LARP6: variants seen among roughly 807,000 people sequenced by gnomAD.
The protein encoded by LARP6 is la-related protein 6.
LARP6 carries 18 observed loss-of-function variants against 32.8 expected under a neutral mutation model. That is an observed-to-expected ratio of 0.55 (90% CI 0.38 to 0.81). The LOEUF is 0.81. LARP6 is among the 40% of genes least tolerant of loss of function. LARP6 has a pLI of 0.00. For synonymous variants in LARP6, 289 were observed against 267.2 expected (o/e 1.08, Z -0.80); for missense variants, 598 against 663.1 (o/e 0.90, Z 1.08).
chr15:70,846,615 T>A (rs1434061014), intron 1 of LARP6, among the ~76,000 whole-genome samples: 1 of 151,106 alleles, frequency 6.6e-6, no homozygotes, highest in South Asian at 2.1e-4. Context: ...TCTCAAAAAA[T>A]AAATAAATAC....
Position 70,832,358 on chromosome 15 carries a change from T to C in LARP6, c.1170A>G (p.Lys390=). The change falls in exon 3 of 3, where the codon AAA becomes AAG. Residue 390 remains lysine, a synonymous_variant. Coordinates refer to ENST00000299213, the MANE Select transcript of LARP6 (RefSeq NM_018357.4). ...CCAGTGGGGACTTTCTGGAAACGCC[T>C]TTGCGTTGGGCCAAGGGGCTGCTCC... is the stretch of plus-strand genomic sequence containing the variant. The part of the protein sequence containing the change: ...SPWSSPLAQR[K]GVSRKSPLAE... The C allele has an allele frequency of 2.5e-6, 4 of 1,614,048 alleles. No individual in the cohort carries two copies. Among genetic ancestry groups the C allele is most frequent in the Non-Finnish European group, 3.4e-6 (4 of 1,179,944 alleles).
chr15:70,853,959 C>G lies in LARP6; in HGVS notation c.130G>C (p.Gly44Arg). 2 of 1,454,150 alleles carry G rather than the reference C, an allele frequency of 1.4e-6. No homozygotes were observed. The highest frequency in any genetic ancestry group is 3.1e-5 in the East Asian group (1 of 32,568). The allele number at this position is 1,454,150 out of a possible 1,614,324, so 90.1% of individuals were successfully genotyped here. A position where few individuals can be genotyped will look rare whatever the true frequency, so the allele number is the denominator to read the frequency against. The change falls in exon 1 of 3, where the codon GGG (glycine) becomes CGG (arginine). Residue 44 changes from glycine to arginine, a missense_variant. This residue lies in a region of LARP6 where 161 missense variants were observed against 148.6 expected (regional missense o/e 1.08). Coordinates refer to ENST00000299213, the MANE Select transcript of LARP6 (RefSeq NM_018357.4). ...EEEGAETRGA[G>R]DPARYLSPGW... The stretch of plus-strand genomic sequence containing the variant: ...GGGCTGAGGTACCGGGCCGGGTCCC[C>G]GGCGCCCCGAGTCTCCGCCCCCTCC...
intron 1 of LARP6, among the ~76,000 whole-genome samples, chr15:70,839,241 C>T (rs975239439): frequency 5.3e-5 from 8 of 152,018 alleles, no homozygotes; most frequent in Non-Finnish European, 8.8e-5. Flanking sequence ...AAGATCGAGA[C>T]CAGCCTGGCC....
rs1595950906 is a variant in LARP6 at position 70,836,486 on chromosome 15, C to T, written c.220G>A (p.Gly74Ser). ...RGHSGTTASG[G>S]ENEREDLEQE... ...TCCAGGTCCTCACGCTCGTTCTCAC[C>T]TCCACTTGCAGTGGTGCCACTGAGA... The change falls in exon 2 of 3, where the codon GGT (glycine) becomes AGT (serine). Residue 74 changes from glycine (G) to serine (S), a missense_variant. By Grantham distance (56) the Gly-to-Ser change is moderately conservative. This residue lies in a region of LARP6 where 161 missense variants were observed against 148.6 expected (regional missense o/e 1.08). Coordinates refer to ENST00000299213, the MANE Select transcript of LARP6 (RefSeq NM_018357.4). 4 of 1,614,182 alleles carry T rather than the reference C, an allele frequency of 2.5e-6. No individual in the cohort carries two copies. Among genetic ancestry groups the T allele is most frequent in the Non-Finnish European group, 3.4e-6 (4 of 1,180,020 alleles).
intron 1 of LARP6, chr15:70,852,132 C>A (rs1485470487): frequency 5.7e-6 from 2 of 348,696 alleles, no homozygotes; most frequent in African/African-American, 2.1e-5. Flanking sequence ...TGCTGCCATG[C>A]GAGCCTGGGT....
At chr15:70,836,187 T>C (rs2032143429) in intron 2 of LARP6, 108 bp downstream of exon 2, 3 of 875,440 alleles carry the variant, frequency 3.4e-6, no homozygotes, top group Non-Finnish European at 5.4e-6. Context: ...GACTTAATTT[T>C]AAAAATTGTT....
At chr15:70,852,772 C>T (rs1255005418) in intron 1 of LARP6, among the ~76,000 whole-genome samples, 1 of 152,188 alleles carries the variant, frequency 6.6e-6, no homozygotes, top group African/African-American at 2.4e-5. Context: ...TAACAACTGT[C>T]TCTACTGGTC....
chr15:70,851,852 G>T (rs71393498), intron 1 of LARP6: 26 of 1,464,886 alleles, frequency 1.8e-5, no homozygotes, highest in Non-Finnish European at 2.4e-5. Flanking sequence ...TGGTGGAGAA[G>T]AGGCAGCGAA....
chr15:70,838,357 T>G (rs991254655), intron 1 of LARP6, among the ~76,000 whole-genome samples: 20 of 152,124 alleles, frequency 1.3e-4, no homozygotes, highest in African/African-American at 4.8e-4. Context: ...TCCAGAGGAG[T>G]GCCTAGCGTA....
chr15:70,833,020 T>A lies in LARP6; in HGVS notation c.508A>T (p.Thr170Ser). ...LNEDHRKVRRTTPVPLFPNEN... is the reference protein window; with the variant it reads ...LNEDHRKVRRSTPVPLFPNEN... ...TTGGGGAACAGTGGGACGGGGGTGG[T>A]CCTCCTCACCTTCCGGTGGTCCTCA... Residue 170 changes from threonine (T) to serine (S), a missense_variant, in exon 3 of 3, where the codon ACC becomes TCC. Around this residue, in one of 3 missense-constraint regions of LARP6, gnomAD observed 69 missense variants for 116.7 expected, o/e 0.59. Coordinates refer to ENST00000299213, the MANE Select transcript of LARP6 (RefSeq NM_018357.4). The A allele has an allele frequency of 1.9e-6, 3 of 1,613,720 alleles. No homozygotes were observed. Among genetic ancestry groups the A allele is most frequent in the Non-Finnish European group, 2.5e-6 (3 of 1,179,834 alleles).
chr15:70,829,210 C>G lies in LARP6; in HGVS notation c.*2842G>C, dbSNP rs890294811. 6.6e-6 allele frequency: 1 copy of G among 152,274 alleles called. No individual in the cohort carries two copies. Among genetic ancestry groups the G allele is most frequent in the Admixed American group, 6.5e-5 (1 of 15,268 alleles). 9.4% of individuals were successfully genotyped at this position (152,274 alleles called of 1,614,324 possible). The stretch of plus-strand genomic sequence containing the variant: ...CTGGAATGCAGCGGCGTGATCTCGG[C>G]TCACTGCAACCTCCGCCTCCCAGGT... On this transcript the variant is annotated 3_prime_UTR_variant, in exon 3 of 3. Coordinates refer to ENST00000299213, the MANE Select transcript of LARP6 (RefSeq NM_018357.4).
chr15:70,833,218 G>T, intron 2 of LARP6, 102 bp from the exon 3 acceptor site: 1 of 900,412 alleles, frequency 1.1e-6, no homozygotes. Context: ...TGTAACACTA[G>T]AATCCCTGTA....
rs754420472 is a variant in LARP6, at chr15:70,851,591, T to C, written c.200+2298A>G. ...GGGAAACACAAATATCTCAACACCA[T>C]TGAGTGAGTGTGATGATAGAGATAC... On this transcript the variant is annotated intron_variant, in intron 1 of 2. Transcript: ENST00000299213. 56 of 1,594,096 alleles carry C rather than the reference T, an allele frequency of 3.5e-5. No individual in the cohort carries two copies. In the Middle Eastern group the frequency reaches 8.2e-4, roughly 23 times the overall value.
chr15:70,853,607 G>A (rs1313839023), intron 1 of LARP6: 1 of 272,050 alleles, frequency 3.7e-6, no homozygotes, highest in Non-Finnish European at 6.9e-6. Context: ...GCCCGTGAAA[G>A]TCCTCCTCCT....
chr15:70,845,912 G>A (rs909224862), intron 1 of LARP6, among the ~76,000 whole-genome samples: 5 of 152,316 alleles, frequency 3.3e-5, no homozygotes, highest in African/African-American at 4.8e-5. Flanking sequence ...CTCTGCTTTC[G>A]CATCCCTAGA....
At position 70,854,007 on chromosome 15, in the gene LARP6, C is replaced by G. The variant is rs1272889214; in HGVS notation, c.82G>C (p.Val28Leu). 1 of 1,459,426 alleles carries G rather than the reference C, an allele frequency of 6.9e-7. No individual in the cohort carries two copies. Among genetic ancestry groups the G allele is most frequent in the Admixed American group, 2.4e-5 (1 of 41,252 alleles). 90.4% of individuals were successfully genotyped at this position (1,459,426 alleles called of 1,614,324 possible). A position where few individuals can be genotyped will look rare whatever the true frequency, so the allele number is the denominator to read the frequency against. Residue 28 changes from valine to leucine, a missense_variant, in exon 1 of 3, where the codon GTG (valine) becomes CTG (leucine). Val to Leu is a conservative substitution (Grantham distance 32). Around this residue, in one of 3 missense-constraint regions of LARP6, gnomAD observed 161 missense variants for 148.6 expected, o/e 1.08. Coordinates refer to ENST00000299213, the MANE Select transcript of LARP6 (RefSeq NM_018357.4). ...IRVAIQEAED[V>L]DELEDEEEGA... ...TCCTCCTCGTCCTCCAACTCGTCCA[C>G]GTCCTCGGCCTCCTGGATGGCGACG...
At chr15:70,839,455 G>A (rs1275203447) in intron 1 of LARP6, among the ~76,000 whole-genome samples, 1 of 147,414 alleles carries the variant, frequency 6.8e-6, no homozygotes, top group Non-Finnish European at 1.5e-5. Context: ...AAAAAAAAAT[G>A]TATAGTGAAG....
chr15:70,831,984 A>C lies in LARP6; in HGVS notation c.*68T>G. ...GGAACGAATTCCATTCTGTCATGCC[A>C]GGTGTTTGTCAGAACCTTGAAAACG... On this transcript the variant is annotated 3_prime_UTR_variant, in exon 3 of 3. Coordinates refer to ENST00000299213, the MANE Select transcript of LARP6 (RefSeq NM_018357.4). 1 of 1,068,122 alleles carries C rather than the reference A, an allele frequency of 9.4e-7. No individual in the cohort carries two copies. 66.2% of individuals were successfully genotyped at this position (1,068,122 alleles called of 1,614,324 possible). A position where few individuals can be genotyped will look rare whatever the true frequency, so the allele number is the denominator to read the frequency against.
chr15:70,853,795 C>A (rs914048178), intron 1 of LARP6, 94 bp downstream of exon 1: 11 of 959,462 alleles, frequency 1.1e-5, no homozygotes, highest in Non-Finnish European at 1.3e-5. Context: ...ACCCCCTCTG[C>A]CCGAGGAGTT....
Sources: allele counts gnomAD v4.1 joint callset (sites outside exome capture counted in the v4.1 genomes callset), GRCh38; gene constraint gnomAD v4.1.1; regional missense constraint gnomAD v4.1.1; transcripts MANE v1.5; gene names NCBI Gene and HGNC (gene_info 2026-07-23, HGNC 2026-07-21).